Variants in ROBO2 observed in about 807,000 individuals in gnomAD.
The protein encoded by ROBO2 is roundabout guidance receptor 2.
Under a neutral mutation model 160.8 loss-of-function variants are expected in ROBO2, and 53 were observed. The observed-to-expected ratio is 0.33, with a 90% CI of 0.26 to 0.41. The LOEUF (loss-of-function observed/expected upper bound fraction) is 0.41. Among genes scored for constraint, ROBO2 ranks in the 10% least tolerant of loss-of-function variants. The probability of loss-of-function intolerance (pLI) is 1.00; values close to 1 mark genes in which losing one functional copy is unlikely to be tolerated. For synonymous variants in ROBO2, 664 were observed against 611.7 expected (o/e 1.09, Z -1.26); for missense variants, 1,577 against 1,722.4 (o/e 0.92, Z 1.49).
intron 2 of ROBO2, among the ~76,000 whole-genome samples, chr3:76,793,755 G>C (rs960924): frequency 0.83 from 126,132 of 151,700 alleles, 52,778 homozygotes; most frequent in African/African-American, 0.93. Flanking sequence ...ACATCACTCT[G>C]CTATTTCTGT....
intron 2 of ROBO2, among the ~76,000 whole-genome samples, chr3:76,520,005 A>T (rs2081522149): frequency 6.6e-6 from 1 of 152,176 alleles, no homozygotes; most frequent in African/African-American, 2.4e-5. Context: ...ACCCCTTATT[A>T]TCTTATAATC....
At chr3:76,346,361 G>T (rs2074531269) in intron 2 of ROBO2, among the ~76,000 whole-genome samples, 1 of 151,910 alleles carries the variant, frequency 6.6e-6, no homozygotes, top group African/African-American at 2.4e-5. Flanking sequence ...ACAAATGTAG[G>T]CTACACCTCT....
At chr3:77,296,705 A>G (rs115479801) in intron 2 of ROBO2, among the ~76,000 whole-genome samples, 1,662 of 152,290 alleles carry the variant, frequency 0.011, 22 homozygotes, top group African/African-American at 0.03. Context: ...GCCTTGTGGT[A>G]AGATGAATCA....
rs543191467 is a variant in ROBO2, at chr3:77,177,365, G to C, written c.388+79025G>C. Among the ~76,000 whole-genome samples the C allele has an allele frequency of 3.9e-5, 6 of 151,924 alleles. No individual in the cohort carries two copies. In the East Asian group the frequency reaches 9.7e-4, roughly 25 times the overall value. On this transcript the variant is annotated intron_variant, in intron 2 of 25. Transcript: ENST00000461745. The stretch of plus-strand genomic sequence containing the variant: ...TTATTGGTAGTACAGTCATCCCTCA[G>C]CATCTGTGAGAGATTGCTTCCAGGA...
chr3:76,313,022 C>A (rs1427590870), intron 2 of ROBO2, among the ~76,000 whole-genome samples: 2 of 152,176 alleles, frequency 1.3e-5, no homozygotes, highest in Admixed American at 6.5e-5. Context: ...CTCTAACTAG[C>A]TCAGCTAGAA....
intron 2 of ROBO2, among the ~76,000 whole-genome samples, chr3:76,618,869 T>C (rs1178187910): frequency 1.3e-5 from 2 of 151,778 alleles, no homozygotes; most frequent in Non-Finnish European, 2.9e-5. Context: ...TTTGAATAGA[T>C]TGATAGGAGA....
At chr3:76,774,098 A>G (rs9873419) in intron 2 of ROBO2, among the ~76,000 whole-genome samples, 3,042 of 151,072 alleles carry the variant, frequency 0.02, 102 homozygotes, top group African/African-American at 0.068. Context: ...ATGTTCAGAA[A>G]CTAAATCATA....
intron 2 of ROBO2, among the ~76,000 whole-genome samples, chr3:76,955,534 T>C (rs2079192849): frequency 6.6e-6 from 1 of 152,202 alleles, no homozygotes; most frequent in Non-Finnish European, 1.5e-5. Flanking sequence ...TGTTCTTTAT[T>C]ATAGCCATCA....
chr3:75,911,689 C>T (rs1207639910), intron 1 of ROBO2, among the ~76,000 whole-genome samples: 1 of 150,490 alleles, frequency 6.6e-6, no homozygotes, highest in Non-Finnish European at 1.5e-5. Flanking sequence ...TCCCGTGTAG[C>T]TGGGACTACA....
chr3:76,724,471 T>C (rs141274556), intron 2 of ROBO2, among the ~76,000 whole-genome samples: 99 of 152,330 alleles, frequency 6.5e-4, no homozygotes, highest in African/African-American at 2.4e-3. Context: ...ACCTACACCA[T>C]TTAATACACT....
chr3:75,942,861 A>G (rs1474198762), intron 2 of ROBO2, among the ~76,000 whole-genome samples: 2 of 151,992 alleles, frequency 1.3e-5, no homozygotes, highest in African/African-American at 4.8e-5. Context: ...TAGATTAATC[A>G]TGCATTTCAG....
chr3:77,169,904 T>C (rs1353637038), intron 2 of ROBO2, among the ~76,000 whole-genome samples: 1 of 152,106 alleles, frequency 6.6e-6, no homozygotes. Flanking sequence ...CTGGGGTCTC[T>C]GGGGGGTGGG....
At chr3:76,347,309 G>A (rs2074587609) in intron 2 of ROBO2, among the ~76,000 whole-genome samples, 1 of 152,094 alleles carries the variant, frequency 6.6e-6, no homozygotes, top group Admixed American at 6.5e-5. Flanking sequence ...ACTGTAATGA[G>A]AACATTTTTA....
chr3:77,159,665 G>A (rs1047959354), intron 2 of ROBO2, among the ~76,000 whole-genome samples: 1 of 152,132 alleles, frequency 6.6e-6, no homozygotes, highest in Admixed American at 6.6e-5. Context: ...AAGAAATGTA[G>A]TAATTTTTGT....
rs190331620 is a variant in ROBO2, at chr3:75,990,237, A to G, written c.109+52635A>G. 2.0e-4 allele frequency among the ~76,000 whole-genome samples: 30 copies of G among 152,334 alleles called. 1 individual carries two copies. The highest frequency in any genetic ancestry group is 7.0e-4 in the African/African-American group (29 of 41,586). On this transcript the variant is annotated intron_variant, in intron 2 of 26. Coordinates refer to the ROBO2 transcript ENST00000487694. ...CAAGCTTATAAAGTATGTTTTTAAT[A>G]CTTTGGTTTATCCCTTGATCACATA...
At chr3:76,080,751 T>C (rs2108024452) in intron 2 of ROBO2, among the ~76,000 whole-genome samples, 1 of 152,338 alleles carries the variant, frequency 6.6e-6, no homozygotes, top group African/African-American at 2.4e-5. Flanking sequence ...CTACAACGGA[T>C]CTTAATATGC....
At chr3:77,303,672 GTTAA>G (rs1486853336) in intron 2 of ROBO2, among the ~76,000 whole-genome samples, 5 of 151,922 alleles carry the variant, frequency 3.3e-5, no homozygotes, top group African/African-American at 1.2e-4. Context: ...TGGTGGTTGT[GTTAA>G]TTAATCCAAT....
At chr3:76,987,087 C>T (rs72902045) in intron 2 of ROBO2, among the ~76,000 whole-genome samples, 6,454 of 152,214 alleles carry the variant, frequency 0.042, 443 homozygotes, top group African/African-American at 0.14. Flanking sequence ...AAGAAGCAGG[C>T]GCTAATCTCT....
At chr3:76,934,059 A>ACTGT (rs1418074928) in intron 2 of ROBO2, among the ~76,000 whole-genome samples, 4 of 151,418 alleles carry the variant, frequency 2.6e-5, no homozygotes, top group Non-Finnish European at 5.9e-5. Flanking sequence ...CAGCTCTAAA[A>ACTGT]GCTTTTGCTG....
Sources: gnomAD v4.1 joint callset for allele counts (sites outside exome capture counted in the v4.1 genomes callset) on GRCh38, gnomAD v4.1.1 for gene constraint, MANE v1.5 for transcripts, NCBI Gene and HGNC (gene_info 2026-07-23, HGNC 2026-07-21) for gene names.